Variants in CNTLN observed in about 807,000 individuals in gnomAD.
CNTLN encodes centlein, centrosomal protein.
A neutral mutation model predicts 180.0 loss-of-function variants in CNTLN; 212 were observed. The ratio of observed to expected loss-of-function variants is 1.18; its 90% CI spans 1.05 to 1.32. CNTLN has a LOEUF of 1.32. CNTLN is among the 40% of genes most tolerant of loss of function. The pLI is 0.00. For synonymous variants in CNTLN, 722 were observed against 563.1 expected (o/e 1.28, Z -3.99); for missense variants, 2,095 against 1,610.9 (o/e 1.30, Z -5.14).
chr9:17,197,788 T>G (rs1241104873), intron 2 of CNTLN, among the ~76,000 whole-genome samples: 1 of 152,232 alleles, frequency 6.6e-6, no homozygotes, highest in Non-Finnish European at 1.5e-5. Context: ...GCTTATCGAG[T>G]ATTACTCAAG....
chr9:17,420,611 C>T (rs1434724487), intron 18 of CNTLN, among the ~76,000 whole-genome samples: 1 of 151,308 alleles, frequency 6.6e-6, no homozygotes, highest in Non-Finnish European at 1.5e-5. Flanking sequence ...GTTTGGTTTG[C>T]TCTAGTTTTT....
chr9:17,272,620 G>A (rs1304144967), intron 5 of CNTLN, among the ~76,000 whole-genome samples: 1 of 152,160 alleles, frequency 6.6e-6, no homozygotes, highest in African/African-American at 2.4e-5. Context: ...TGAATCTTGA[G>A]ATGAGCAGCT....
At chr9:17,257,443 G>C (rs1826591201) in intron 5 of CNTLN, among the ~76,000 whole-genome samples, 1 of 152,056 alleles carries the variant, frequency 6.6e-6, no homozygotes, top group East Asian at 1.9e-4. Flanking sequence ...ACATAGGTGT[G>C]CATGTGTCTT....
intron 12 of CNTLN, among the ~76,000 whole-genome samples, chr9:17,358,985 A>G (rs1475090254): frequency 1.3e-5 from 2 of 152,014 alleles, no homozygotes; most frequent in Non-Finnish European, 2.9e-5. Flanking sequence ...ACTTTGTAGT[A>G]GGCCAATATT....
chr9:17,195,611 A>C (rs952363607), intron 2 of CNTLN, among the ~76,000 whole-genome samples: 3 of 152,192 alleles, frequency 2.0e-5, no homozygotes, highest in African/African-American at 7.2e-5. Context: ...TTAATTCAAA[A>C]TTATTTACTG....
the CNTLN span, among the ~76,000 whole-genome samples, chr9:17,522,822 T>C: frequency 6.6e-6 from 1 of 152,220 alleles, no homozygotes; most frequent in Non-Finnish European, 1.5e-5. Context: ...CCTGCCCACC[T>C]TGATTTTCCA....
chr9:17,483,196 G>T (rs1832733780), intron 23 of CNTLN, among the ~76,000 whole-genome samples: 2 of 151,958 alleles, frequency 1.3e-5, no homozygotes, highest in South Asian at 4.1e-4. Flanking sequence ...AAATGACAAA[G>T]AAAATATAAT....
intron 12 of CNTLN, among the ~76,000 whole-genome samples, chr9:17,346,785 C>G (rs1821936591): frequency 1.3e-5 from 2 of 152,116 alleles, no homozygotes; most frequent in South Asian, 4.1e-4. Context: ...AAATTTTTGT[C>G]ATTATTTCTT....
At chr9:17,396,678 A>T (rs372731582) in intron 15 of CNTLN, among the ~76,000 whole-genome samples, 5 of 152,276 alleles carry the variant, frequency 3.3e-5, no homozygotes, top group East Asian at 3.9e-4. Flanking sequence ...GGTTTTATAA[A>T]CATTCCAAAG....
rs968471828 is a variant in CNTLN at position 17,260,959 on chromosome 9, G to A, written c.850-12774G>A. 2.3e-4 allele frequency among the ~76,000 whole-genome samples: 35 copies of A among 151,186 alleles called. 2 individuals are homozygous for A. The highest frequency in any genetic ancestry group is 8.1e-4 in the African/African-American group (33 of 40,722). On this transcript the variant is annotated intron_variant, in intron 5 of 25. Coordinates refer to ENST00000380647, the MANE Select transcript of CNTLN (RefSeq NM_017738.4). ...TTTTCCCCATTTCATGTTTTTGTCA[G>A]CTTTGTTAAGGATCAGGTAATTGTA...
rs750301091 is a variant in CNTLN, at chr9:17,487,067, G to T, written c.4119+1G>T. 2 of 1,588,172 alleles carry T rather than the reference G, an allele frequency of 1.3e-6. No individual in the cohort carries two copies. The highest frequency in any genetic ancestry group is 1.7e-6 in the Non-Finnish European group (2 of 1,158,370). On this transcript the variant is annotated splice_donor_variant, in intron 25 of 25. Coordinates refer to ENST00000380647, the MANE Select transcript of CNTLN (RefSeq NM_017738.4). LOFTEE classifies it high-confidence loss of function. ...CATTCAGAAACTTCTTGAAGGACAGGTATTTCATTTTTCTGTTTCATATAT... is the reference window on the plus strand; with the variant it reads ...CATTCAGAAACTTCTTGAAGGACAGTTATTTCATTTTTCTGTTTCATATAT...
Position 17,236,395 on chromosome 9 carries a change from G to GTAC in CNTLN, c.670-12_670-10dup. 1 of 1,556,430 alleles carries GTAC rather than the reference G, an allele frequency of 6.4e-7. No homozygotes were observed. The highest frequency in any genetic ancestry group is 8.6e-7 in the Non-Finnish European group (1 of 1,157,380). ...TTTGTTTTATTTATTTGCCCTTGTG[G>GTAC]TACTGTTCTACAGGACACTAAGGAG... On this transcript the variant is annotated splice_polypyrimidine_tract_variant and intron_variant, in intron 4 of 25. Coordinates refer to ENST00000380647, the MANE Select transcript of CNTLN (RefSeq NM_017738.4).
intron 16 of CNTLN, among the ~76,000 whole-genome samples, chr9:17,415,415 T>G (rs1356841443): frequency 3.3e-5 from 5 of 152,298 alleles, no homozygotes; most frequent in Non-Finnish European, 4.4e-5. Context: ...TCCTAAGTTT[T>G]TAAGCTATCC....
chr9:17,414,308 T>C (rs911721336), intron 16 of CNTLN, among the ~76,000 whole-genome samples: 2 of 152,236 alleles, frequency 1.3e-5, no homozygotes, highest in Non-Finnish European at 2.9e-5. Flanking sequence ...TAAGTGTGTT[T>C]GTTTCATAGC....
At chr9:17,474,876 A>G (rs1564137060) in intron 23 of CNTLN, among the ~76,000 whole-genome samples, 1 of 151,980 alleles carries the variant, frequency 6.6e-6, no homozygotes, top group Non-Finnish European at 1.5e-5. Context: ...TCAAAAAAAA[A>G]AAAAAGGGAA....
intron 2 of CNTLN, among the ~76,000 whole-genome samples, chr9:17,146,450 T>C (rs1428792195): frequency 6.6e-6 from 1 of 152,124 alleles, no homozygotes; most frequent in Non-Finnish European, 1.5e-5. Flanking sequence ...TAATACCCAA[T>C]GTGATAATAT....
intron 12 of CNTLN, among the ~76,000 whole-genome samples, chr9:17,347,577 G>A (rs890779603): frequency 7.9e-5 from 12 of 151,516 alleles, no homozygotes; most frequent in African/African-American, 2.7e-4. Flanking sequence ...GCTGAGGCAG[G>A]AGAATCGCTT....
intron 12 of CNTLN, among the ~76,000 whole-genome samples, chr9:17,348,020 G>A (rs933466395): frequency 3.3e-5 from 5 of 151,906 alleles, no homozygotes; most frequent in African/African-American, 9.7e-5. Context: ...TTGTAGAAAC[G>A]GGGTTTCACC....
intron 18 of CNTLN, among the ~76,000 whole-genome samples, chr9:17,432,292 A>C (rs1829463317): frequency 6.6e-6 from 1 of 152,238 alleles, no homozygotes; most frequent in Non-Finnish European, 1.5e-5. Context: ...AAAGCACAAG[A>C]AATTACAAGT....
Sources: allele counts gnomAD v4.1 joint callset (sites outside exome capture counted in the v4.1 genomes callset), GRCh38; gene constraint gnomAD v4.1.1; transcripts MANE v1.5; gene names NCBI Gene and HGNC (gene_info 2026-07-23, HGNC 2026-07-21).